Variants in PDE1C observed in about 807,000 individuals in gnomAD.
PDE1C encodes phosphodiesterase 1C, also known as dual specificity calcium/calmodulin-dependent 3',5'-cyclic nucleotide phosphodiesterase 1C.
PDE1C carries 62 observed loss-of-function variants against 93.1 expected under a neutral mutation model. The ratio of observed to expected loss-of-function variants is 0.67; its 90% CI spans 0.54 to 0.82. PDE1C has a LOEUF of 0.82. PDE1C is among the 40% of genes least tolerant of loss of function. The pLI is 0.00. For missense variants in PDE1C, 742 were observed against 884.6 expected (o/e 0.84, Z 2.04); for synonymous variants, 325 against 310.1 (o/e 1.05, Z -0.50).
intron 3 of PDE1C, among the ~76,000 whole-genome samples, chr7:32,155,440 G>A (rs1801510201): frequency 6.6e-6 from 1 of 152,196 alleles, no homozygotes; most frequent in Non-Finnish European, 1.5e-5. Flanking sequence ...TACAAAATGT[G>A]ACTGGATTAG....
the PDE1C span, among the ~76,000 whole-genome samples, chr7:31,635,854 T>C: frequency 9.2e-5 from 14 of 152,214 alleles, no homozygotes; most frequent in East Asian, 2.7e-3. Flanking sequence ...GATTGGCCGA[T>C]AGGTGCAGCA....
the PDE1C span, among the ~76,000 whole-genome samples, chr7:31,683,534 C>T: frequency 0.79 from 120,160 of 151,928 alleles, 47,765 homozygotes; most frequent in Middle Eastern, 0.86. Context: ...AGCAAAGACA[C>T]AGTGCTCACT....
At chr7:32,355,621 C>T (rs1784016264) in intron 1 of PDE1C, among the ~76,000 whole-genome samples, 1 of 152,190 alleles carries the variant, frequency 6.6e-6, no homozygotes, top group Non-Finnish European at 1.5e-5. Context: ...TCAGCATTCC[C>T]TCCTCTAAGT....
the PDE1C span, among the ~76,000 whole-genome samples, chr7:31,729,924 A>G: frequency 6.6e-5 from 10 of 152,288 alleles, no homozygotes; most frequent in Middle Eastern, 3.4e-3. Context: ...CACGTGGTAT[A>G]ACAGGGAACT....
chr7:31,703,000 C>T, the PDE1C span, among the ~76,000 whole-genome samples: 1 of 152,078 alleles, frequency 6.6e-6, no homozygotes, highest in African/African-American at 2.4e-5. Flanking sequence ...TAGGTTTCAT[C>T]CCTGGTTCTG....
intron 11 of PDE1C, among the ~76,000 whole-genome samples, chr7:31,829,742 T>C (rs547395567): frequency 6.6e-6 from 1 of 152,258 alleles, no homozygotes; most frequent in Non-Finnish European, 1.5e-5. Context: ...CTTCTTTATT[T>C]CAAGTACGCA....
intron 1 of PDE1C, among the ~76,000 whole-genome samples, chr7:32,330,054 T>C (rs1783481585): frequency 6.6e-6 from 1 of 152,234 alleles, no homozygotes; most frequent in South Asian, 2.1e-4. Context: ...ATCAACCAAA[T>C]AGATTCAGAA....
intron 2 of PDE1C, among the ~76,000 whole-genome samples, chr7:31,949,738 T>C (rs1354037410): frequency 6.6e-6 from 1 of 152,172 alleles, no homozygotes; most frequent in Admixed American, 6.5e-5. Flanking sequence ...AAATAAAGCA[T>C]TTTTATTTAT....
At chr7:32,331,604 C>T (rs1423240988) in intron 1 of PDE1C, among the ~76,000 whole-genome samples, 1 of 152,118 alleles carries the variant, frequency 6.6e-6, no homozygotes, top group Non-Finnish European at 1.5e-5. Flanking sequence ...GTTAGGAAGC[C>T]AGCTCATTGG....
intron 1 of PDE1C, among the ~76,000 whole-genome samples, chr7:32,419,448 A>G (rs1234226109): frequency 2.0e-5 from 3 of 152,198 alleles, no homozygotes; most frequent in African/African-American, 7.2e-5. Flanking sequence ...GGTTAACTTC[A>G]GCTCCCTCAG....
chr7:31,902,364 T>A (rs551939932), intron 2 of PDE1C, among the ~76,000 whole-genome samples: 1 of 152,032 alleles, frequency 6.6e-6, no homozygotes, highest in South Asian at 2.1e-4. Flanking sequence ...AAAATTTCAC[T>A]GGGATTTCAT....
intron 3 of PDE1C, among the ~76,000 whole-genome samples, chr7:32,113,263 A>ATATATATATATATATATATATATATG (rs1798781841): frequency 7.2e-6 from 1 of 138,416 alleles, no homozygotes; most frequent in South Asian, 2.3e-4. Context: ...ATATATATAT[A>ATATATATATATATATATATATATATG]TGGATGTGGA....
At chr7:32,131,927 G>T (rs1172179942) in intron 3 of PDE1C, among the ~76,000 whole-genome samples, 1 of 151,980 alleles carries the variant, frequency 6.6e-6, no homozygotes, top group Admixed American at 6.6e-5. Flanking sequence ...AGTGGTAATA[G>T]TAGTAGTAGT....
chr7:32,021,237 C>T (rs556172657), intron 2 of PDE1C, among the ~76,000 whole-genome samples: 2 of 152,066 alleles, frequency 1.3e-5, no homozygotes, highest in African/African-American at 4.8e-5. Context: ...GTTGCAGATG[C>T]CTTGATGTTT....
At chr7:31,931,385 C>G (rs1013315370) in intron 2 of PDE1C, among the ~76,000 whole-genome samples, 2 of 152,312 alleles carry the variant, frequency 1.3e-5, no homozygotes, top group Middle Eastern at 3.4e-3. Context: ...GCCACTTCAG[C>G]AAAGTCTCAG....
rs1489579929 is a variant in PDE1C at position 31,838,577 on chromosome 7, A to C, written c.981-606T>G. Reference sequence around the variant, plus strand: ...TTAAGGTTCACTGGGCATGCTGTACAGTTCTACCAGTTTTGACAAATGCAT... The same window carrying C: ...TTAAGGTTCACTGGGCATGCTGTACCGTTCTACCAGTTTTGACAAATGCAT... On this transcript the variant is annotated intron_variant, in intron 9 of 17. Coordinates refer to ENST00000396191, the MANE Select transcript of PDE1C (RefSeq NM_001191057.4). Among the ~76,000 whole-genome samples, 7 of 152,164 alleles carry C rather than the reference A, an allele frequency of 4.6e-5. No homozygotes were observed. In the East Asian group the frequency reaches 1.3e-3, roughly 29 times the overall value.
intron 1 of PDE1C, among the ~76,000 whole-genome samples, chr7:32,239,410 A>G (rs1808380697): frequency 1.3e-5 from 2 of 152,190 alleles, no homozygotes; most frequent in African/African-American, 4.8e-5. Context: ...AAGAAAATCC[A>G]TAAACAAAGT....
chr7:32,252,713 G>C (rs1184549817), intron 1 of PDE1C, among the ~76,000 whole-genome samples: 2 of 152,210 alleles, frequency 1.3e-5, no homozygotes, highest in African/African-American at 4.8e-5. Flanking sequence ...TCGCAGCCCA[G>C]TGCTGCTCAA....
chr7:32,350,206 A>G lies in PDE1C; in HGVS notation c.310+77616T>C, dbSNP rs1023205928. Among the ~76,000 whole-genome samples the G allele has an allele frequency of 6.0e-4, 91 of 152,264 alleles. 2 individuals carry two copies. The highest frequency in any genetic ancestry group is 2.1e-3 in the African/African-American group (89 of 41,548). ...AATGAGCCGCCATTTAGCTATTCCC[A>G]GCACCAACTACCATCAATTCACAGC... On this transcript the variant is annotated intron_variant, in intron 1 of 1. Coordinates refer to the PDE1C transcript ENST00000672256.
Sources: allele counts gnomAD v4.1 joint callset (sites outside exome capture counted in the v4.1 genomes callset), GRCh38; gene constraint gnomAD v4.1.1; transcripts MANE v1.5; gene names NCBI Gene and HGNC (gene_info 2026-07-23, HGNC 2026-07-21).